Variants in GRM1 observed in about 807,000 individuals in gnomAD.
GRM1 encodes the protein metabotropic glutamate receptor 1.
Under a neutral mutation model 90.9 loss-of-function variants are expected in GRM1, and 33 were observed. The ratio of observed to expected loss-of-function variants is 0.36; its 90% CI spans 0.28 to 0.49. The LOEUF is 0.49. Ranked by LOEUF, GRM1 falls within the 20% of genes least tolerant of loss-of-function variation. The pLI is 0.99. For synonymous variants in GRM1, 700 were observed against 613.2 expected (o/e 1.14, Z -2.09); for missense variants, 1,190 against 1,534.3 (o/e 0.78, Z 3.75).
intron 2 of GRM1, among the ~76,000 whole-genome samples, chr6:146,201,033 G>A (rs1336118578): frequency 6.6e-6 from 1 of 152,164 alleles, no homozygotes; most frequent in Non-Finnish European, 1.5e-5. Context: ...TCCCACCAGA[G>A]ATCTGAGTGG....
chr6:146,137,011 C>A (rs1163737227), intron 1 of GRM1, among the ~76,000 whole-genome samples: 1 of 152,120 alleles, frequency 6.6e-6, no homozygotes, highest in East Asian at 1.9e-4. Context: ...CACCACCACA[C>A]CCGGCTAATT....
At chr6:146,423,811 T>C (rs1778096625) in intron 7 of GRM1, among the ~76,000 whole-genome samples, 1 of 152,164 alleles carries the variant, frequency 6.6e-6, no homozygotes, top group African/African-American at 2.4e-5. Flanking sequence ...AGCTGCATTG[T>C]TTGCAGGGCC....
intron 2 of GRM1, among the ~76,000 whole-genome samples, chr6:146,241,967 T>C (rs1370291973): frequency 6.6e-6 from 1 of 152,096 alleles, no homozygotes; most frequent in Non-Finnish European, 1.5e-5. Context: ...TCTAAAAGTT[T>C]AGTTATGAAG....
chr6:146,314,935 G>A (rs551855719), intron 3 of GRM1, among the ~76,000 whole-genome samples: 3 of 152,240 alleles, frequency 2.0e-5, no homozygotes, highest in Non-Finnish European at 4.4e-5. Context: ...TCCAGTGACT[G>A]CGTTTCCGAA....
At chr6:146,418,956 A>G (rs544137446) in intron 7 of GRM1, among the ~76,000 whole-genome samples, 17 of 152,224 alleles carry the variant, frequency 1.1e-4, no homozygotes, top group Non-Finnish European at 2.1e-4. Context: ...AATGTGGCAC[A>G]TAAGGTAATT....
intron 1 of GRM1, among the ~76,000 whole-genome samples, chr6:146,134,401 C>T (rs1583050938): frequency 6.6e-6 from 1 of 152,110 alleles, no homozygotes; most frequent in Non-Finnish European, 1.5e-5. Context: ...TGTATTAGTC[C>T]GTTCTCATGC....
chr6:146,278,104 A>T (rs1583264104), intron 2 of GRM1, among the ~76,000 whole-genome samples: 1 of 152,236 alleles, frequency 6.6e-6, no homozygotes, highest in Non-Finnish European at 1.5e-5. Flanking sequence ...TCTTTGATTC[A>T]TTATTATAAT....
intron 7 of GRM1, chr6:146,426,417 C>A: frequency 1.4e-6 from 1 of 694,906 alleles, no homozygotes. Flanking sequence ...CCAGGCAGAG[C>A]AAGGACCATA....
intron 5 of GRM1, among the ~76,000 whole-genome samples, chr6:146,358,955 G>C (rs550068119): frequency 1.4e-4 from 22 of 152,260 alleles, no homozygotes; most frequent in Non-Finnish European, 1.8e-4. Flanking sequence ...CATCAGCATA[G>C]ACTCCATTCT....
intron 1 of GRM1, among the ~76,000 whole-genome samples, chr6:146,053,619 G>GT (rs1023045365): frequency 3.9e-5 from 6 of 152,124 alleles, no homozygotes; most frequent in South Asian, 2.1e-4. Flanking sequence ...CGTTATGTGA[G>GT]TTTTTTTGTG....
intron 3 of GRM1, among the ~76,000 whole-genome samples, chr6:146,349,228 G>T (rs1016615847): frequency 7.6e-6 from 1 of 131,976 alleles, no homozygotes; most frequent in Admixed American, 7.8e-5. Context: ...CACCATGCCC[G>T]GCTATTTTTT....
At chr6:146,323,931 G>A (rs111747637) in intron 3 of GRM1, among the ~76,000 whole-genome samples, 1 of 152,270 alleles carries the variant, frequency 6.6e-6, no homozygotes, top group South Asian at 2.1e-4. Context: ...TGAGGGCTCT[G>A]TTCTGTTCCA....
chr6:146,368,265 G>GT (rs1372621648), intron 5 of GRM1, among the ~76,000 whole-genome samples: 1 of 138,514 alleles, frequency 7.2e-6, no homozygotes, highest in African/African-American at 2.7e-5. Flanking sequence ...TTTTTTGGGG[G>GT]GGGGGGTAGA....
At chr6:146,155,995 C>G (rs6900486) in intron 1 of GRM1, among the ~76,000 whole-genome samples, 1 of 152,176 alleles carries the variant, frequency 6.6e-6, no homozygotes, top group Non-Finnish European at 1.5e-5. Context: ...CAATCAGGAG[C>G]CTACGGCACT....
rs79486915 is a variant in GRM1, at chr6:146,281,422, A to G, written c.951-23189A>G. Among the ~76,000 whole-genome samples, 399 of 152,300 alleles carry G rather than the reference A, an allele frequency of 2.6e-3. 11 individuals carry two copies. The East Asian group carries it at 0.069, about 26-fold the overall frequency. On this transcript the variant is annotated intron_variant, in intron 2 of 7. Transcript: ENST00000282753. ...TCTAAGTTCTATCTTTAAGGATACA[A>G]TTTGAAATGTTTCTCTTTTCCCACT...
chr6:146,250,592 T>C (rs1176782614), intron 2 of GRM1, among the ~76,000 whole-genome samples: 1 of 152,206 alleles, frequency 6.6e-6, no homozygotes. Context: ...CTTTTGTTTA[T>C]AAATTGGTCC....
At chr6:146,289,634 A>G (rs1034951550) in intron 2 of GRM1, among the ~76,000 whole-genome samples, 4 of 152,198 alleles carry the variant, frequency 2.6e-5, no homozygotes, top group African/African-American at 9.6e-5. Flanking sequence ...TGTCTCACCC[A>G]GAGCAACCTC....
In GRM1 at chr6:146,375,060, G is replaced by A. The variant is rs188376855; in HGVS notation, c.1603-11830G>A. Among the ~76,000 whole-genome samples the A allele has an allele frequency of 1.7e-3, 259 of 151,894 alleles. 3 individuals are homozygous for A. Among genetic ancestry groups the A allele is most frequent in the South Asian group, 6.0e-3 (29 of 4,818 alleles). Reference sequence around the variant, plus strand: ...GCTATCCACACTATCCATAGGTTTGGTATATTGTGTTTTTATTATAATTCA... The same window carrying A: ...GCTATCCACACTATCCATAGGTTTGATATATTGTGTTTTTATTATAATTCA... On this transcript the variant is annotated intron_variant, in intron 5 of 7. Coordinates refer to ENST00000282753, the MANE Select transcript of GRM1 (RefSeq NM_001278064.2).
At chr6:146,353,898 C>G (rs927566767) in intron 4 of GRM1, among the ~76,000 whole-genome samples, 9 of 152,186 alleles carry the variant, frequency 5.9e-5, no homozygotes, top group Non-Finnish European at 1.3e-4. Flanking sequence ...TCCCAAAGTG[C>G]TGGGATTACA....
Sources: allele counts gnomAD v4.1 joint callset (sites outside exome capture counted in the v4.1 genomes callset), GRCh38; gene constraint gnomAD v4.1.1; transcripts MANE v1.5; gene names NCBI Gene and HGNC (gene_info 2026-07-23, HGNC 2026-07-21).